The following CALN1 variants were observed in gnomAD, a reference collection of about 807,000 sequenced individuals.
The protein encoded by CALN1 is calcium-binding protein 8.
In CALN1, 17 loss-of-function variants were observed where a neutral mutation model predicts 30.6. The ratio of observed to expected loss-of-function variants is 0.56; its 90% CI spans 0.38 to 0.83. CALN1 has a LOEUF of 0.83. CALN1 is among the 40% of genes least tolerant of loss of function. The probability of loss-of-function intolerance (pLI) is 0.00; values close to 1 mark genes in which losing one functional copy is unlikely to be tolerated. For missense variants in CALN1, 291 were observed against 354.9 expected (o/e 0.82, Z 1.45); for synonymous variants, 156 against 131.4 (o/e 1.19, Z -1.28).
the CALN1 span, among the ~76,000 whole-genome samples, chr7:72,457,004 CTTTTTTTTTT>C: frequency 9.4e-6 from 1 of 106,606 alleles, no homozygotes; most frequent in Non-Finnish European, 1.8e-5. Context: ...TTCTTTCTTT[CTTTTTTTTTT>C]TTTTTTTTTT....
chr7:72,462,637 G>A, the CALN1 span, among the ~76,000 whole-genome samples: 6 of 152,238 alleles, frequency 3.9e-5, no homozygotes, highest in African/African-American at 7.2e-5. Context: ...AGCTCACAGC[G>A]GGACTGGACA....
the CALN1 span, among the ~76,000 whole-genome samples, chr7:72,474,270 T>C: frequency 1.5e-4 from 23 of 152,344 alleles, no homozygotes; most frequent in African/African-American, 5.3e-4. Context: ...CTGTGTGGCA[T>C]TGAAAGAAGA....
At chr7:72,212,085 A>G (rs192355659) in intron 3 of CALN1, among the ~76,000 whole-genome samples, 26 of 152,118 alleles carry the variant, frequency 1.7e-4, no homozygotes, top group East Asian at 5.8e-4. Context: ...GGGCACGGTG[A>G]CTCATGCCTG....
chr7:71,945,929 G>A (rs1796383083), intron 5 of CALN1, among the ~76,000 whole-genome samples: 1 of 152,182 alleles, frequency 6.6e-6, no homozygotes, highest in Non-Finnish European at 1.5e-5. Flanking sequence ...CAAAAAGGTT[G>A]GGGACCGCTG....
chr7:72,311,579 G>A (rs979479339), intron 2 of CALN1, among the ~76,000 whole-genome samples: 2 of 150,944 alleles, frequency 1.3e-5, no homozygotes, highest in African/African-American at 4.9e-5. Flanking sequence ...TCCCCGGCTC[G>A]AGCAATCCTC....
intron 3 of CALN1, among the ~76,000 whole-genome samples, chr7:72,265,610 G>A (rs776821609): frequency 5.9e-5 from 9 of 152,026 alleles, no homozygotes; most frequent in Non-Finnish European, 1.0e-4. Flanking sequence ...TGTTGAAAAT[G>A]AAAGGTTCCC....
chr7:72,307,698 C>T (rs1585430119), intron 2 of CALN1, among the ~76,000 whole-genome samples: 1 of 152,118 alleles, frequency 6.6e-6, no homozygotes, highest in African/African-American at 2.4e-5. Flanking sequence ...GGGGAGGTGA[C>T]GCTGGTCACA....
intron 2 of CALN1, among the ~76,000 whole-genome samples, chr7:72,299,828 C>T (rs1799132143): frequency 6.6e-6 from 1 of 151,878 alleles, no homozygotes; most frequent in Admixed American, 6.6e-5. Flanking sequence ...AGCCAGCATG[C>T]CTGACCATGT....
intron 5 of CALN1, among the ~76,000 whole-genome samples, chr7:72,011,972 G>A (rs548848673): frequency 6.6e-6 from 1 of 152,096 alleles, no homozygotes; most frequent in African/African-American, 2.4e-5. Flanking sequence ...GCACCTTCCT[G>A]GGCGTCTACA....
intron 2 of CALN1, among the ~76,000 whole-genome samples, chr7:72,316,012 A>G (rs1585459574): frequency 1.3e-5 from 2 of 152,140 alleles, no homozygotes; most frequent in East Asian, 1.9e-4. Flanking sequence ...CTAGCCAGGC[A>G]TGGTGGCAGG....
intron 5 of CALN1, among the ~76,000 whole-genome samples, chr7:71,894,336 A>C (rs574149752): frequency 6.6e-6 from 1 of 152,304 alleles, no homozygotes; most frequent in East Asian, 1.9e-4. Flanking sequence ...TCTGTTGCCT[A>C]GGCTGGAGTG....
chr7:72,034,353 CA>C (rs34276736), intron 4 of CALN1, among the ~76,000 whole-genome samples: 1,170 of 90,354 alleles, frequency 0.013, 5 homozygotes, highest in Middle Eastern at 0.017. Context: ...GACTCTGTCT[CA>C]AAAAAAAAAA....
chr7:72,207,772 G>T (rs938659774), intron 3 of CALN1, among the ~76,000 whole-genome samples: 1 of 152,132 alleles, frequency 6.6e-6, no homozygotes, highest in Non-Finnish European at 1.5e-5. Context: ...GGTTATATAT[G>T]ACAGGTGGAA....
At chr7:72,017,894 C>T (rs1800489698) in intron 5 of CALN1, among the ~76,000 whole-genome samples, 1 of 152,132 alleles carries the variant, frequency 6.6e-6, no homozygotes, top group African/African-American at 2.4e-5. Context: ...GACACACAAA[C>T]AGCTCAGCTC....
At chr7:72,472,303 T>C in the CALN1 span, among the ~76,000 whole-genome samples, 4 of 152,184 alleles carry the variant, frequency 2.6e-5, no homozygotes, top group African/African-American at 9.7e-5. Context: ...GATGAATGCA[T>C]GGTCAATGGA....
At chr7:72,352,460 A>C (rs1291720076) in intron 2 of CALN1, among the ~76,000 whole-genome samples, 2 of 151,524 alleles carry the variant, frequency 1.3e-5, no homozygotes, top group East Asian at 1.9e-4. Context: ...CTATAACCAT[A>C]ACGGAATTAA....
chr7:72,501,928 A>AAAAATAT, the CALN1 span, among the ~76,000 whole-genome samples: 21 of 57,936 alleles, frequency 3.6e-4, 2 homozygotes, highest in African/African-American at 1.6e-3. Flanking sequence ...AAAAAAAAAA[A>AAAAATAT]ATATATATAT....
At chr7:72,256,793 G>T (rs1319464309) in intron 3 of CALN1, among the ~76,000 whole-genome samples, 3 of 152,082 alleles carry the variant, frequency 2.0e-5, no homozygotes, top group Middle Eastern at 6.8e-3. Context: ...TTTTTAATTG[G>T]ACAGACTGGG....
Position 71,786,934 on chromosome 7 carries a change from T to C in CALN1, c.*841A>G, listed in dbSNP as rs573267212. The C allele has an allele frequency of 6.5e-6, 1 of 152,702 alleles. No homozygotes were observed. The highest frequency in any genetic ancestry group is 2.1e-4 in the South Asian group (1 of 4,822). 9.5% of individuals were successfully genotyped at this position (152,702 alleles called of 1,614,324 possible). ...TTAGGTGTAAGCGATTAGGGAAGAA[T>C]GACATCACACACGAAGAAGCCAAAT... On this transcript the variant is annotated 3_prime_UTR_variant, in exon 7 of 7. Transcript: ENST00000395275.
Sources: gnomAD v4.1 joint callset for allele counts (sites outside exome capture counted in the v4.1 genomes callset) on GRCh38, gnomAD v4.1.1 for gene constraint, MANE v1.5 for transcripts, NCBI Gene and HGNC (gene_info 2026-07-23, HGNC 2026-07-21) for gene names.